The following WDR64 variants were observed in gnomAD, a reference collection of about 807,000 sequenced individuals.
WDR64 encodes WD repeat-containing protein 64.
WDR64 carries 112 observed loss-of-function variants against 139.3 expected under a neutral mutation model. The ratio of observed to expected loss-of-function variants is 0.80; its 90% CI spans 0.69 to 0.94. The LOEUF is 0.94. Among genes scored for constraint, WDR64 ranks in the 40% least tolerant of loss-of-function variants. The pLI is 0.00. For synonymous variants in WDR64, 444 were observed against 437.7 expected, an observed-to-expected ratio of 1.01 and a Z score of -0.18; for missense variants, 1,206 against 1,293.1, an observed-to-expected ratio of 0.93 and a Z score of 1.03.
At chr1:241,685,298 AT>A (rs1666962526) in intron 7 of WDR64, among the ~76,000 whole-genome samples, 1 of 151,816 alleles carries the variant, frequency 6.6e-6, no homozygotes, top group African/African-American at 2.4e-5. Context: ...GTTTTAAAAA[AT>A]ATTTAATGGC....
chr1:241,750,243 G>A (rs781780845), intron 14 of WDR64, among the ~76,000 whole-genome samples: 7 of 152,076 alleles, frequency 4.6e-5, no homozygotes, highest in Non-Finnish European at 8.8e-5. Context: ...TTACCACCTG[G>A]GAATGCTAAT....
In WDR64 at chr1:241,703,786, G is replaced by C. The variant is rs1368065295; in HGVS notation, c.975-8016G>C. 6.6e-6 allele frequency among the ~76,000 whole-genome samples: 1 copy of C among 152,148 alleles called. No homozygotes were observed. The highest frequency in any genetic ancestry group is 1.9e-4 in the East Asian group (1 of 5,190). On this transcript the variant is annotated intron_variant, in intron 8 of 27. Transcript: ENST00000437684. This position sits in a 1 kb window ranked among gnomAD's most constrained non-coding sequence, Gnocchi z 5.9. ...ACTCACAGTTCCACATGGCTGGGGA[G>C]GCTTCAGGAAACTTACAATCATGGC...
chr1:241,736,395 G>C (rs1669325595), intron 10 of WDR64, among the ~76,000 whole-genome samples: 2 of 138,988 alleles, frequency 1.4e-5, no homozygotes, highest in Admixed American at 7.6e-5. Context: ...GAACTCTTTA[G>C]TTCTCTTTAT....
At chr1:241,653,550 T>C (rs990424871) in intron 1 of WDR64, among the ~76,000 whole-genome samples, 7 of 151,044 alleles carry the variant, frequency 4.6e-5, no homozygotes, top group African/African-American at 1.5e-4. Context: ...TTTCTTTTTT[T>C]TTTTTTTTCT....
intron 10 of WDR64, among the ~76,000 whole-genome samples, chr1:241,725,064 GAGAAATTGGAAAAAT>G (rs1213193505): frequency 6.6e-6 from 1 of 152,036 alleles, no homozygotes; most frequent in Non-Finnish European, 1.5e-5. Flanking sequence ...ATAAAAAGCA[GAGAAATTGGAAAAAT>G]ATCCTTGAAC....
chr1:241,681,617 C>A (rs997554288), intron 6 of WDR64, among the ~76,000 whole-genome samples: 18 of 151,772 alleles, frequency 1.2e-4, no homozygotes, highest in Admixed American at 1.3e-4. Context: ...ATAAGGAGTT[C>A]TTTTCCTCTG....
At chr1:241,726,115 T>C (rs1668828012) in intron 10 of WDR64, among the ~76,000 whole-genome samples, 1 of 152,086 alleles carries the variant, frequency 6.6e-6, no homozygotes, top group Admixed American at 6.6e-5. Flanking sequence ...CTTGCTATGT[T>C]GCCCGAACTT....
rs1574026737 is a variant in WDR64 at position 241,705,665 on chromosome 1, G to T, written c.975-6137G>T. On this transcript the variant is annotated intron_variant, in intron 8 of 27. Transcript: ENST00000437684. ...GGCAGGGGCATGATTATAGCTCATT[G>T]CACCTTCGAGTTCCTGGGATCAAGC... Among the ~76,000 whole-genome samples the T allele has an allele frequency of 2.6e-5, 4 of 152,022 alleles. No homozygotes were observed. In the South Asian group the frequency reaches 8.3e-4, roughly 32 times the overall value.
At chr1:241,772,320 T>A in intron 19 of WDR64, among the ~76,000 whole-genome samples, 1 of 123,960 alleles carries the variant, frequency 8.1e-6, no homozygotes. Context: ...CTGACTGAAA[T>A]TCTCTGGGTG....
Position 241,723,404 on chromosome 1 carries a change from G to A in WDR64, c.1162G>A (p.Asp388Asn). The A allele has an allele frequency of 9.9e-6, 16 of 1,613,758 alleles. No homozygotes were observed. The highest frequency in any genetic ancestry group is 1.3e-5 in the Non-Finnish European group (15 of 1,179,786). Residue 388 changes from aspartate to asparagine, a missense_variant, in exon 10 of 28, where the codon GAT (aspartate) becomes AAT (asparagine). Coordinates refer to ENST00000437684, the MANE Select transcript of WDR64 (RefSeq NM_001367482.1). Reference protein sequence around the residue: ...SIAEIVTNEKDQHVVSLSSAK... With the variant: ...SIAEIVTNEKNQHVVSLSSAK... Reference sequence around the variant, plus strand: ...CGCCGAGATCGTAACCAATGAAAAAGATCAACATGTCGTCAGCCTTTCCTC... The same window carrying A: ...CGCCGAGATCGTAACCAATGAAAAAAATCAACATGTCGTCAGCCTTTCCTC...
At chr1:241,715,990 C>G (rs1353491510) in intron 9 of WDR64, among the ~76,000 whole-genome samples, 1 of 152,096 alleles carries the variant, frequency 6.6e-6, no homozygotes, top group Admixed American at 6.6e-5. Flanking sequence ...GAAGAAAACA[C>G]TTAGTAGTAT....
intron 14 of WDR64, among the ~76,000 whole-genome samples, chr1:241,751,989 C>T (rs1669997336): frequency 6.6e-6 from 1 of 152,164 alleles, no homozygotes; most frequent in South Asian, 2.1e-4. Context: ...ACATGATAAA[C>T]AAAGCACTAT....
intron 3 of WDR64, among the ~76,000 whole-genome samples, chr1:241,671,903 TG>T: frequency 6.6e-6 from 1 of 152,238 alleles, no homozygotes; most frequent in Admixed American, 6.5e-5. Context: ...CTGGGCACAG[TG>T]GGTCATGCCT....
Position 241,775,319 on chromosome 1 carries a change from A to G in WDR64, c.2536+109A>G, listed in dbSNP as rs1300557652. 5.1e-6 allele frequency: 4 copies of G among 783,092 alleles called. No individual in the cohort carries two copies. In the Admixed American group the frequency reaches 1.1e-4, roughly 21 times the overall value. 48.5% of individuals were successfully genotyped at this position (783,092 alleles called of 1,614,324 possible). A position where few individuals can be genotyped will look rare whatever the true frequency, so the allele number is the denominator to read the frequency against. ...TATATGGTGAAACAAAAGAGAGACTAAGAGGTATGCTCAAGCCTGAGAAAG... is the reference window on the plus strand; with the variant it reads ...TATATGGTGAAACAAAAGAGAGACTGAGAGGTATGCTCAAGCCTGAGAAAG... On this transcript the variant is annotated intron_variant, in intron 21 of 27. Transcript: ENST00000437684.
rs778348601 is a variant in WDR64, at chr1:241,771,680, A to G, written c.2273A>G (p.His758Arg). The G allele has an allele frequency of 2.7e-6, 4 of 1,502,710 alleles. No individual in the cohort carries two copies. In the East Asian group the frequency reaches 7.8e-5, roughly 29 times the overall value. 93.1% of individuals were successfully genotyped at this position (1,502,710 alleles called of 1,614,324 possible). A position where few individuals can be genotyped will look rare whatever the true frequency, so the allele number is the denominator to read the frequency against. ...QSSKGSKQSI[H>R]DSEVKGEQTD... Reference sequence around the variant, plus strand: ...ATTCAGGGAAGCAAGCAAAGCATACATGACAGTGAGGTTAAAGGTCAGTAT... The same window carrying G: ...ATTCAGGGAAGCAAGCAAAGCATACGTGACAGTGAGGTTAAAGGTCAGTAT... The change falls in exon 19 of 28, where the codon CAT (histidine) becomes CGT (arginine). Residue 758 changes from histidine (H) to arginine (R), a missense_variant. His to Arg is a conservative substitution (Grantham distance 29, BLOSUM62 0). Coordinates refer to ENST00000437684, the MANE Select transcript of WDR64 (RefSeq NM_001367482.1).
chr1:241,721,606 T>C (rs1313769482), intron 9 of WDR64, among the ~76,000 whole-genome samples: 2 of 152,152 alleles, frequency 1.3e-5, no homozygotes, highest in African/African-American at 4.8e-5. Context: ...TTAGTTTCTT[T>C]CTTTTGTGAG....
In WDR64 at chr1:241,792,923, C is replaced by T. The variant is rs911442931; in HGVS notation, c.2997+2227C>T. Among the ~76,000 whole-genome samples the T allele has an allele frequency of 9.2e-5, 14 of 152,202 alleles. 1 individual carries two copies. Among genetic ancestry groups the T allele is most frequent in the Admixed American group, 3.9e-4 (6 of 15,288 alleles). ...TGAACATCTCCTTAGGAGACAGGTA[C>T]GAGAATGCTCAGAGAAGTGCAGTTT... On this transcript the variant is annotated intron_variant, in intron 25 of 27. Coordinates refer to ENST00000437684, the MANE Select transcript of WDR64 (RefSeq NM_001367482.1).
chr1:241,693,766 A>G (rs1038160036), intron 8 of WDR64, among the ~76,000 whole-genome samples: 1 of 152,212 alleles, frequency 6.6e-6, no homozygotes, highest in African/African-American at 2.4e-5. Context: ...TGTTGCAACA[A>G]CAACAGCCAT....
intron 10 of WDR64, among the ~76,000 whole-genome samples, chr1:241,729,830 T>C (rs1276173242): frequency 6.6e-6 from 1 of 151,394 alleles, no homozygotes; most frequent in Non-Finnish European, 1.5e-5. Context: ...GGGATTATCA[T>C]AAATGATGCA....
Sources: allele counts gnomAD v4.1 joint callset (sites outside exome capture counted in the v4.1 genomes callset), GRCh38; gene constraint gnomAD v4.1.1; non-coding constraint Gnocchi (gnomAD v3.1); transcripts MANE v1.5; gene names NCBI Gene and HGNC (gene_info 2026-07-23, HGNC 2026-07-21).